Variants in EFHD2 observed in about 807,000 individuals in gnomAD.
EFHD2 encodes the protein EF-hand domain family member D2, also known as EF-hand domain-containing protein D2.
Under a neutral mutation model 20.3 loss-of-function variants are expected in EFHD2, and 12 were observed. The observed-to-expected ratio is 0.59, with a 90% CI of 0.38 to 0.96. The LOEUF is 0.96. EFHD2 is among the 40% of genes least tolerant of loss of function. The pLI is 0.00. For synonymous variants in EFHD2, 131 were observed against 143.9 expected, an observed-to-expected ratio of 0.91 and a Z score of 0.64; for missense variants, 250 against 334.3, an observed-to-expected ratio of 0.75 and a Z score of 1.97.
chr1:15,422,678 G>A (rs933121094), intron 1 of EFHD2, among the ~76,000 whole-genome samples: 23 of 151,862 alleles, frequency 1.5e-4, no homozygotes, highest in Non-Finnish European at 2.5e-4. Context: ...TGGCTAACAC[G>A]GTGAAACCCC....
chr1:15,422,249 T>C (rs1360647388), intron 1 of EFHD2, among the ~76,000 whole-genome samples: 1 of 151,942 alleles, frequency 6.6e-6, no homozygotes, highest in Non-Finnish European at 1.5e-5. Flanking sequence ...CCTGCCACCA[T>C]GCCCAGCTAA....
At chr1:15,428,072 A>C in intron 3 of EFHD2, 1 of 451,914 alleles carries the variant, frequency 2.2e-6, no homozygotes, top group East Asian at 7.1e-5. Context: ...CCAGGTTCTA[A>C]GTGAGGAAAC....
intron 1 of EFHD2, among the ~76,000 whole-genome samples, chr1:15,411,798 T>C (rs1707526352): frequency 1.3e-5 from 2 of 151,912 alleles, no homozygotes; most frequent in Admixed American, 1.3e-4. Flanking sequence ...AGACCAGGGG[T>C]GTCAGCCTCA....
At chr1:15,422,435 AGCTTCCCTGGCCTCCACCCACCAGAT>A (rs951095659) in intron 1 of EFHD2, among the ~76,000 whole-genome samples, 4 of 151,848 alleles carry the variant, frequency 2.6e-5, no homozygotes, top group African/African-American at 4.8e-5. Context: ...GCGCTATAGG[AGCTTCCCTGGCCTCCACCCACCAGAT>A]GCCACTGGCA....
chr1:15,426,074 TGGC>T lies in EFHD2; in HGVS notation c.456+57_456+59del. On this transcript the variant is annotated intron_variant, in intron 2 of 3. Coordinates refer to ENST00000375980, the MANE Select transcript of EFHD2 (RefSeq NM_024329.6). This position sits in a 1 kb window ranked among gnomAD's most constrained non-coding sequence, Gnocchi z 4.6. ...CCAGGGGCTTCACCTGAGGACCTGG[TGGC>T]CCGGGAGAGACCAACCCCCACCCTT... 1 of 1,510,596 alleles carries T rather than the reference TGGC, an allele frequency of 6.6e-7. No homozygotes were observed. Among genetic ancestry groups the T allele is most frequent in the Non-Finnish European group, 8.8e-7 (1 of 1,133,150 alleles). The allele number at this position is 1,510,596 out of a possible 1,614,324, so 93.6% of individuals were successfully genotyped here.
intron 1 of EFHD2, among the ~76,000 whole-genome samples, chr1:15,422,199 T>C (rs1394566152): frequency 3.3e-5 from 5 of 151,322 alleles, no homozygotes; most frequent in Non-Finnish European, 5.9e-5. Context: ...TTTAAGTGAT[T>C]CTCCTGCCTC....
Position 15,425,869 on chromosome 1 carries a change from A to G in EFHD2, c.309-2A>G. Reference sequence around the variant, plus strand: ...AGATGTCCTCTCTTTTTGCATCTGCAGGTATGATGCCGGGCGGGACGGCTT... The same window carrying G: ...AGATGTCCTCTCTTTTTGCATCTGCGGGTATGATGCCGGGCGGGACGGCTT... On this transcript the variant is annotated splice_acceptor_variant, in intron 1 of 3. Transcript: ENST00000375980. LOFTEE classifies it high-confidence loss of function. The G allele has an allele frequency of 1.2e-6, 2 of 1,604,272 alleles. No homozygotes were observed. The highest frequency in any genetic ancestry group is 1.7e-6 in the Non-Finnish European group (2 of 1,176,406).
chr1:15,410,193 G>A lies in EFHD2; in HGVS notation c.222G>A (p.Ser74=). 2 of 1,604,628 alleles carry A rather than the reference G, an allele frequency of 1.2e-6. No individual in the cohort carries two copies. Among genetic ancestry groups the A allele is most frequent in the Non-Finnish European group, 8.5e-7 (1 of 1,176,678 alleles). The change falls in exon 1 of 4, where the codon TCG becomes TCA. Residue 74 remains serine, a synonymous_variant. Coordinates refer to ENST00000375980, the MANE Select transcript of EFHD2 (RefSeq NM_024329.6). ...ACCAGGGCATCGGCGAGCCCCAGTC[G>A]CCCAGCCGCCGCGTCTTCAACCCCT... The part of the protein sequence containing the change: ...DLNQGIGEPQ[S]PSRRVFNPYT...
In EFHD2 at chr1:15,413,498, C is replaced by G. The variant is rs1234204526; in HGVS notation, c.308+3219C>G. Among the ~76,000 whole-genome samples, 1 of 152,160 alleles carries G rather than the reference C, an allele frequency of 6.6e-6. No homozygotes were observed. Among genetic ancestry groups the G allele is most frequent in the Non-Finnish European group, 1.5e-5 (1 of 68,026 alleles). ...CTGCCTTCCAGGGCCTTCTGGTCCACCCCTCCGTGTTGATTCAGCAGGTAC... is the reference window on the plus strand; with the variant it reads ...CTGCCTTCCAGGGCCTTCTGGTCCAGCCCTCCGTGTTGATTCAGCAGGTAC... On this transcript the variant is annotated intron_variant, in intron 1 of 3. Transcript: ENST00000375980. This position sits in a 1 kb window ranked among gnomAD's most constrained non-coding sequence, Gnocchi z 4.4.
At chr1:15,422,085 A>AT (rs71000400) in intron 1 of EFHD2, among the ~76,000 whole-genome samples, 24,362 of 86,690 alleles carry the variant, frequency 0.28, 4,197 homozygotes, top group Non-Finnish European at 0.34. Flanking sequence ...AGGTCATTCC[A>AT]TTTTTTTTTT....
chr1:15,414,335 C>A (rs1197218093), intron 1 of EFHD2, among the ~76,000 whole-genome samples: 1 of 152,250 alleles, frequency 6.6e-6, no homozygotes, highest in Admixed American at 6.5e-5. Flanking sequence ...GGGGACACAC[C>A]TCTCCCAGGA....
chr1:15,422,601 C>T (rs1033861785), intron 1 of EFHD2, among the ~76,000 whole-genome samples: 2 of 151,620 alleles, frequency 1.3e-5, no homozygotes, highest in Non-Finnish European at 2.9e-5. Context: ...GTGGCTCACA[C>T]CTGTAATCTC....
chr1:15,423,448 T>C (rs1281141407), intron 1 of EFHD2, among the ~76,000 whole-genome samples: 1 of 152,154 alleles, frequency 6.6e-6, no homozygotes, highest in African/African-American at 2.4e-5. Flanking sequence ...CAGGCAGCCG[T>C]CTGTGTTCTG....
chr1:15,415,955 G>A (rs947954890), intron 1 of EFHD2, among the ~76,000 whole-genome samples: 2 of 152,118 alleles, frequency 1.3e-5, no homozygotes, highest in Non-Finnish European at 2.9e-5. Flanking sequence ...CTGGGGCTTG[G>A]GGGAGCCTCC....
Position 15,428,645 on chromosome 1 carries a change from A to T in EFHD2, c.644A>T (p.Gln215Leu). 6.2e-7 allele frequency: 1 copy of T among 1,610,614 alleles called. No individual in the cohort carries two copies. The highest frequency in any genetic ancestry group is 8.5e-7 in the Non-Finnish European group (1 of 1,178,914). ...SRFEEEIKAE[Q>L]EERKKQAEEM... Reference sequence around the variant, plus strand: ...TTCGAGGAGGAGATCAAGGCAGAGCAGGAGGAAAGGAAGAAGCAGGCGGAG... The same window carrying T: ...TTCGAGGAGGAGATCAAGGCAGAGCTGGAGGAAAGGAAGAAGCAGGCGGAG... Residue 215 changes from glutamine to leucine, a missense_variant, in exon 4 of 4, where the codon CAG becomes CTG. Coordinates refer to ENST00000375980, the MANE Select transcript of EFHD2 (RefSeq NM_024329.6).
intron 1 of EFHD2, among the ~76,000 whole-genome samples, chr1:15,417,060 C>T (rs1240624762): frequency 6.6e-6 from 1 of 152,154 alleles, no homozygotes; most frequent in East Asian, 1.9e-4. Flanking sequence ...ACCCTCCCAC[C>T]TCATCCTCCC....
chr1:15,428,545 CA>C, intron 3 of EFHD2, 47 bp from the exon 4 acceptor site: 3 of 1,587,244 alleles, frequency 1.9e-6, no homozygotes, highest in Non-Finnish European at 2.6e-6. Context: ...AGAGAACCCC[CA>C]ACATACACCA....
Position 15,426,039 on chromosome 1 carries a change from C to A in EFHD2, c.456+21C>A. The A allele has an allele frequency of 1.9e-6, 3 of 1,553,042 alleles. No homozygotes were observed. Among genetic ancestry groups the A allele is most frequent in the Non-Finnish European group, 2.6e-6 (3 of 1,153,604 alleles). ...GGGAGGTAAGCCCGGCCCCCAGCCCCACTCCCCTACCAGGGGCTTCACCTG... is the reference window on the plus strand; with the variant it reads ...GGGAGGTAAGCCCGGCCCCCAGCCCAACTCCCCTACCAGGGGCTTCACCTG... On this transcript the variant is annotated intron_variant, in intron 2 of 3. Transcript: ENST00000375980. This position sits in a 1 kb window ranked among gnomAD's most constrained non-coding sequence, Gnocchi z 4.6.
chr1:15,428,876 T>G lies in EFHD2; in HGVS notation c.*152T>G. On this transcript the variant is annotated 3_prime_UTR_variant, in exon 4 of 4. Coordinates refer to ENST00000375980, the MANE Select transcript of EFHD2 (RefSeq NM_024329.6). ...GAATGGAGCAAGTTCAGGGGTCTTA[T>G]GGAGGTGGCCCGGCCCCTCCCCGCT... 8.1e-7 allele frequency: 1 copy of G among 1,230,550 alleles called. No individual in the cohort carries two copies. The highest frequency in any genetic ancestry group is 1.5e-5 in the South Asian group (1 of 67,592). The allele number at this position is 1,230,550 out of a possible 1,614,324, so 76.2% of individuals were successfully genotyped here.
Sources: allele counts gnomAD v4.1 joint callset (sites outside exome capture counted in the v4.1 genomes callset), GRCh38; gene constraint gnomAD v4.1.1; non-coding constraint Gnocchi (gnomAD v3.1); transcripts MANE v1.5; gene names NCBI Gene and HGNC (gene_info 2026-07-23, HGNC 2026-07-21).